PHF6: variants seen among roughly 807,000 people sequenced by gnomAD.
PHF6 encodes PHD-like zinc finger protein.
A neutral mutation model predicts 34.0 loss-of-function variants in PHF6; 7 were observed. The observed-to-expected ratio is 0.21, with a 90% CI of 0.12 to 0.39. The LOEUF is 0.39. Among genes scored for constraint, PHF6 ranks in the 10% least tolerant of loss-of-function variants. The pLI is 1.00. For missense variants in PHF6, 128 were observed against 262.8 expected, an observed-to-expected ratio of 0.49 and a Z score of 3.55; for synonymous variants, 89 against 88.4, an observed-to-expected ratio of 1.01 and a Z score of -0.04.
intron 8 of PHF6, among the ~76,000 whole-genome samples, chrX:134,415,592 C>T (rs2077469991): frequency 8.9e-6 from 1 of 112,127 alleles, no homozygotes; most frequent in Non-Finnish European, 1.9e-5. Context: ...TACTGAATTA[C>T]CAACAAGTAG....
At chrX:134,398,365 A>G (rs2077386514) in intron 5 of PHF6, among the ~76,000 whole-genome samples, 1 of 112,119 alleles carries the variant, frequency 8.9e-6, no homozygotes, top group South Asian at 3.7e-4. Context: ...ACTCCAGCCT[A>G]GGCAACAGAG....
At chrX:134,392,999 C>T (rs1277430365) in intron 3 of PHF6, among the ~76,000 whole-genome samples, 1 of 111,298 alleles carries the variant, frequency 9.0e-6, no homozygotes, top group Non-Finnish European at 1.9e-5. Flanking sequence ...GGGGTTTCAC[C>T]ATATTGGCCA....
intron 3 of PHF6, among the ~76,000 whole-genome samples, chrX:134,384,862 A>G (rs945309733): frequency 1.8e-5 from 2 of 110,783 alleles, no homozygotes; most frequent in Admixed American, 1.9e-4. Flanking sequence ...CGTGTTAGCC[A>G]GGATGGTCTT....
At chrX:134,386,414 ATTTTT>A (rs35350115) in intron 3 of PHF6, among the ~76,000 whole-genome samples, 1 of 94,757 alleles carries the variant, frequency 1.1e-5, no homozygotes. Flanking sequence ...TTCCCAGATG[ATTTTT>A]TTTTTTTTTT....
At position 134,425,305 on chromosome X, in the gene PHF6, C is replaced by T. The variant is rs1569345938; in HGVS notation, c.1073C>T (p.Thr358Ile). 2.5e-6 allele frequency: 3 copies of T among 1,211,298 alleles called. No homozygotes were observed. The highest frequency in any genetic ancestry group is 3.0e-5 in the East Asian group (1 of 33,810). ...GKVEIDQQQL[T>I]QQQLNGN ...GTAGAAATTGATCAGCAACAACTAA[C>T]TCAGCAGCAACTTAATGGAAACTAG... The change falls in exon 10 of 11, where the codon ACT (threonine) becomes ATT (isoleucine). Residue 358 changes from threonine (T) to isoleucine (I), a missense_variant. Physicochemically the swap from Thr to Ile is moderately conservative, Grantham distance 89. This residue lies in a region of PHF6 where 15 missense variants were observed against 16.2 expected (regional missense o/e 0.93). Coordinates refer to ENST00000370803, the MANE Select transcript of PHF6 (RefSeq NM_001015877.2).
chrX:134,425,082 A>G (rs1286617126), intron 9 of PHF6, 119 bp from the exon 10 acceptor site: 3 of 864,459 alleles, frequency 3.5e-6, no homozygotes, highest in African/African-American at 2.0e-5. Context: ...AGTATTTTTT[A>G]AAGTGTGGAT....
At chrX:134,411,601 AATAGATAACTGAATATATTATGTGT>A (rs1447801123) in intron 5 of PHF6, among the ~76,000 whole-genome samples, 1 of 111,439 alleles carries the variant, frequency 9.0e-6, no homozygotes, top group East Asian at 2.8e-4. Flanking sequence ...TTATTTTCAT[AATAGATAACTGAATATATTATGTGT>A]ATACATATGT....
At chrX:134,409,989 A>G (rs1478430275) in intron 5 of PHF6, among the ~76,000 whole-genome samples, 2 of 111,568 alleles carry the variant, frequency 1.8e-5, no homozygotes, top group Non-Finnish European at 1.9e-5. Context: ...AGGATATTCC[A>G]TGTAGCAGGG....
chrX:134,403,404 A>G (rs149838385), intron 5 of PHF6, among the ~76,000 whole-genome samples: 2,085 of 112,146 alleles, frequency 0.019, 27 homozygotes, highest in Non-Finnish European at 0.027. Context: ...CTTCAATTCT[A>G]TGAAGGCTGA....
intron 3 of PHF6, among the ~76,000 whole-genome samples, chrX:134,392,525 G>T (rs1455268415): frequency 8.9e-6 from 1 of 111,848 alleles, no homozygotes; most frequent in African/African-American, 3.2e-5. Context: ...AAAAGGTAAG[G>T]TATAATAAAA....
At chrX:134,415,878 T>A (rs939883287) in intron 8 of PHF6, among the ~76,000 whole-genome samples, 3 of 111,752 alleles carry the variant, frequency 2.7e-5, no homozygotes, top group Non-Finnish European at 5.6e-5. Context: ...CTCCATGTAG[T>A]TGAGTATGTA....
At chrX:134,415,191 A>C in intron 8 of PHF6, 71 bp downstream of exon 8, 1 of 1,206,602 alleles carries the variant, frequency 8.3e-7, no homozygotes, top group Non-Finnish European at 1.1e-6. Flanking sequence ...GTACATCCCA[A>C]ATTTATCCAG....
chrX:134,427,838 T>C lies in PHF6; in HGVS notation c.*2178T>C, dbSNP rs899526525. 3 of 157,548 alleles carry C rather than the reference T, an allele frequency of 1.9e-5. No homozygotes were observed. The highest frequency in any genetic ancestry group is 9.1e-5 in the African/African-American group (3 of 33,015). 13.0% of individuals were successfully genotyped at this position (157,548 alleles called of 1,213,427 possible). ...CTCTAATCATGTTTTCGTCACATGC[T>C]GAGTAAAAGTGCCTTACAATGTAAA... On this transcript the variant is annotated 3_prime_UTR_variant, in exon 11 of 11. Coordinates refer to ENST00000370803, the MANE Select transcript of PHF6 (RefSeq NM_001015877.2).
chrX:134,419,374 TAGAAAG>T (rs1425425186), intron 9 of PHF6: 4 of 109,959 alleles, frequency 3.6e-5, no homozygotes, highest in African/African-American at 1.3e-4. Context: ...ATTTTAAAAA[TAGAAAG>T]AAAAAAGACT....
At chrX:134,402,348 T>A (rs2077406035) in intron 5 of PHF6, among the ~76,000 whole-genome samples, 1 of 112,321 alleles carries the variant, frequency 8.9e-6, no homozygotes, top group Non-Finnish European at 1.9e-5. Context: ...GATGTTGGTA[T>A]TAAGCTCTTT....
At position 134,378,125 on chromosome X, in the gene PHF6, C is replaced by G; in HGVS notation, c.240+19C>G. On this transcript the variant is annotated intron_variant, in intron 3 of 10. Coordinates refer to ENST00000370803, the MANE Select transcript of PHF6 (RefSeq NM_001015877.2). The stretch of plus-strand genomic sequence containing the variant: ...GAAGCTGGTAAGTTGGTATTTCTGC[C>G]TCTTGAGAATAAAAATTATTTAAAC... 1 of 1,055,679 alleles carries G rather than the reference C, an allele frequency of 9.5e-7. No individual in the cohort carries two copies. Among genetic ancestry groups the G allele is most frequent in the Non-Finnish European group, 1.3e-6 (1 of 758,739 alleles). 87.0% of individuals were successfully genotyped at this position (1,055,679 alleles called of 1,213,427 possible).
At chrX:134,422,712 A>G (rs1383646735) in intron 9 of PHF6, among the ~76,000 whole-genome samples, 1 of 111,473 alleles carries the variant, frequency 9.0e-6, no homozygotes, top group Non-Finnish European at 1.9e-5. Flanking sequence ...CTATTTCAAT[A>G]TGGATTTTTT....
At position 134,393,898 on chromosome X, in the gene PHF6, A is replaced by AT. The variant is rs2077365347; in HGVS notation, c.375-5dup. Reference sequence around the variant, plus strand: ...TTGCTTACTAATTTTTGATTTCTTCATTTTTTATAGGGTCTATTGCCGAAA... The same window carrying AT: ...TTGCTTACTAATTTTTGATTTCTTCATTTTTTTATAGGGTCTATTGCCGAAA... On this transcript the variant is annotated splice_polypyrimidine_tract_variant and intron_variant, in intron 4 of 10. Transcript: ENST00000370803. 1.7e-6 allele frequency: 2 copies of AT among 1,203,525 alleles called. No individual in the cohort carries two copies. The highest frequency in any genetic ancestry group is 2.2e-6 in the Non-Finnish European group (2 of 890,475).
At chrX:134,405,807 T>C (rs1602709406) in intron 5 of PHF6, among the ~76,000 whole-genome samples, 1 of 89,347 alleles carries the variant, frequency 1.1e-5, no homozygotes, top group East Asian at 5.8e-4. Flanking sequence ...TGTGTATGTA[T>C]ATATATATAA....
Sources: gnomAD v4.1 joint callset for allele counts (sites outside exome capture counted in the v4.1 genomes callset) on GRCh38, gnomAD v4.1.1 for gene constraint, gnomAD v4.1.1 regional missense constraint, MANE v1.5 for transcripts, NCBI Gene and HGNC (gene_info 2026-07-23, HGNC 2026-07-21) for gene names.